Variants in AMBP observed in about 807,000 individuals in gnomAD.
AMBP encodes protein AMBP.
A neutral mutation model predicts 46.3 loss-of-function variants in AMBP; 37 were observed. The observed-to-expected ratio is 0.80, with a 90% CI of 0.61 to 1.05. The LOEUF (loss-of-function observed/expected upper bound fraction) is 1.05. Among genes scored for constraint, AMBP ranks in the 50% least tolerant of loss-of-function variants. AMBP has a pLI of 0.00. For missense variants in AMBP, 475 were observed against 461.2 expected, an observed-to-expected ratio of 1.03 and a Z score of -0.27; for synonymous variants, 174 against 175.9, an observed-to-expected ratio of 0.99 and a Z score of 0.09.
chr9:114,061,135 C>T (rs759505018), intron 8 of AMBP, 37 bp from the exon 9 acceptor site: 29 of 1,605,154 alleles, frequency 1.8e-5, no homozygotes, highest in Non-Finnish European at 2.2e-5. Flanking sequence ...TTGAGAAACC[C>T]TTGTGACTGC....
rs376713229 is a variant in AMBP at position 114,061,410 on chromosome 9, G to A, written c.853+14C>T. The A allele has an allele frequency of 3.8e-5, 61 of 1,613,860 alleles. No individual in the cohort carries two copies. The African/African-American group carries it at 8.0e-4, about 21-fold the overall frequency. ...GAGGGTGCAGAGCGCACAGGGGTGG[G>A]GACCCGCACTCACCCACAGTTCGGC... is the stretch of plus-strand genomic sequence containing the variant. On this transcript the variant is annotated intron_variant, in intron 8 of 9. Transcript: ENST00000265132.
chr9:114,074,531 A>G (rs1846783818), intron 3 of AMBP, among the ~76,000 whole-genome samples: 1 of 152,226 alleles, frequency 6.6e-6, no homozygotes, highest in South Asian at 2.1e-4. Context: ...CTAGCCAAAC[A>G]TTCATATATT....
At chr9:114,072,401 C>A (rs1339620624) in intron 5 of AMBP, among the ~76,000 whole-genome samples, 1 of 152,218 alleles carries the variant, frequency 6.6e-6, no homozygotes, top group Non-Finnish European at 1.5e-5. Context: ...TGGACCCCAC[C>A]CTCACTCACA....
intron 6 of AMBP, among the ~76,000 whole-genome samples, chr9:114,067,994 G>A (rs1298237078): frequency 1.3e-5 from 2 of 152,204 alleles, no homozygotes; most frequent in African/African-American, 4.8e-5. Context: ...ATCCACTAAA[G>A]TATAGAACTA....
At position 114,061,405 on chromosome 9, in the gene AMBP, G is replaced by C; in HGVS notation, c.853+19C>G. On this transcript the variant is annotated intron_variant, in intron 8 of 9. Transcript: ENST00000265132. ...GTCTTGAGGGTGCAGAGCGCACAGG[G>C]GTGGGGACCCGCACTCACCCACAGT... 1.2e-6 allele frequency: 2 copies of C among 1,613,948 alleles called. No homozygotes were observed.
At chr9:114,069,836 G>T in intron 5 of AMBP, 91 bp from the exon 6 acceptor site, 1 of 1,385,110 alleles carries the variant, frequency 7.2e-7, no homozygotes, top group Non-Finnish European at 1.0e-6. Context: ...TGAGCATCGT[G>T]CTGGGAACTT....
Position 114,060,205 on chromosome 9 carries a change from C to G in AMBP, c.*34G>C. 2.5e-6 allele frequency: 4 copies of G among 1,606,310 alleles called. No homozygotes were observed. Among genetic ancestry groups the G allele is most frequent in the Non-Finnish European group, 3.4e-6 (4 of 1,175,420 alleles). On this transcript the variant is annotated 3_prime_UTR_variant, in exon 10 of 10. Coordinates refer to ENST00000265132, the MANE Select transcript of AMBP (RefSeq NM_001633.4). ...CTGCCACAGGACCCCGGGACAGACACTGGCCATCCTCTGACTTGCAGACCG... is the reference window on the plus strand; with the variant it reads ...CTGCCACAGGACCCCGGGACAGACAGTGGCCATCCTCTGACTTGCAGACCG...
At chr9:114,070,406 C>T (rs898224648) in intron 5 of AMBP, among the ~76,000 whole-genome samples, 11 of 152,216 alleles carry the variant, frequency 7.2e-5, no homozygotes, top group Admixed American at 6.5e-5. Flanking sequence ...TTGCTCCACA[C>T]TCTGGCTCCA....
chr9:114,060,835 A>G (rs1588486985), intron 9 of AMBP, 90 bp downstream of exon 9: 2 of 1,427,752 alleles, frequency 1.4e-6, no homozygotes, highest in South Asian at 2.7e-5. Flanking sequence ...TCCAGAACTC[A>G]GCTCTCCAGA....
rs2134857250 is a variant in AMBP at position 114,076,675 on chromosome 9, G to A, written c.183C>T (p.Asp61=). The A allele has an allele frequency of 6.2e-7, 1 of 1,614,056 alleles. No homozygotes were observed. ...STCPWLKKIM[D]RMTVSTLVLG... ...GCACCAGCGTGCTCACTGTCATCCT[G>A]TCCATGATCTTCTTCAGCCAGGGGC... The change falls in exon 2 of 10, where the codon GAC becomes GAT. Residue 61 remains aspartate, a synonymous_variant. Coordinates refer to ENST00000265132, the MANE Select transcript of AMBP (RefSeq NM_001633.4).
chr9:114,074,174 AC>A (rs757307559), intron 3 of AMBP, 22 bp from the exon 4 acceptor site: 1 of 1,597,640 alleles, frequency 6.3e-7, no homozygotes, highest in East Asian at 2.2e-5. Context: ...GTGCAGGCAG[AC>A]CAAAGGGATC....
intron 6 of AMBP, among the ~76,000 whole-genome samples, chr9:114,066,596 C>G (rs976179781): frequency 3.9e-5 from 6 of 152,090 alleles, no homozygotes; most frequent in African/African-American, 1.4e-4. Context: ...AATTCAGAAC[C>G]AGCAAATAAA....
intron 5 of AMBP, among the ~76,000 whole-genome samples, chr9:114,070,708 C>T (rs902735813): frequency 9.2e-5 from 14 of 151,936 alleles, no homozygotes; most frequent in Admixed American, 1.3e-4. Context: ...GAGTGGCGTC[C>T]GCTTCAGGGA....
intron 6 of AMBP, among the ~76,000 whole-genome samples, chr9:114,068,808 T>TG (rs1491484090): frequency 5.1e-5 from 5 of 97,130 alleles, no homozygotes; most frequent in African/African-American, 2.0e-4. Flanking sequence ...GTGGTGAGAT[T>TG]AAAAAAAAAA....
chr9:114,061,377 AG>A, intron 8 of AMBP, 46 bp downstream of exon 8: 1 of 1,610,866 alleles, frequency 6.2e-7, no homozygotes, highest in Non-Finnish European at 8.5e-7. Context: ...CTGGAGGGAC[AG>A]GGTCTTGAGG....
intron 5 of AMBP, among the ~76,000 whole-genome samples, chr9:114,072,479 G>A (rs1180836448): frequency 6.6e-6 from 1 of 152,158 alleles, no homozygotes; most frequent in African/African-American, 2.4e-5. Flanking sequence ...CCAGTAGCAT[G>A]AGCCAAGCAC....
chr9:114,076,822 C>T, intron 1 of AMBP, 82 bp from the exon 2 acceptor site: 2 of 1,504,850 alleles, frequency 1.3e-6, no homozygotes, highest in South Asian at 1.3e-5. Context: ...CCCCACCCTC[C>T]ACCTCCTCCT....
intron 2 of AMBP, among the ~76,000 whole-genome samples, chr9:114,076,329 G>A (rs568960813): frequency 3.7e-4 from 57 of 152,120 alleles, no homozygotes; most frequent in African/African-American, 1.3e-3. Context: ...TTGGGTCCCT[G>A]GGGGGCTGAA....
chr9:114,068,609 TA>T (rs542602247), intron 6 of AMBP, among the ~76,000 whole-genome samples: 2,679 of 143,932 alleles, frequency 0.019, 25 homozygotes, highest in Middle Eastern at 0.039. Context: ...CTGTCTCAAT[TA>T]AAAAAAAAAA....
Sources: allele counts gnomAD v4.1 joint callset (sites outside exome capture counted in the v4.1 genomes callset), GRCh38; gene constraint gnomAD v4.1.1; transcripts MANE v1.5; gene names NCBI Gene and HGNC (gene_info 2026-07-23, HGNC 2026-07-21).